DOCK3: variants seen among roughly 807,000 people sequenced by gnomAD.
DOCK3 encodes the protein dedicator of cytokinesis 3.
Under a neutral mutation model 265.6 loss-of-function variants are expected in DOCK3, and 60 were observed. The observed-to-expected ratio is 0.23, with a 90% CI of 0.18 to 0.28. The LOEUF is 0.28. Ranked by LOEUF, DOCK3 falls within the 10% of genes least tolerant of loss-of-function variation. The pLI, the probability that DOCK3 is intolerant of heterozygous loss-of-function variation, is 1.00. For missense variants in DOCK3, 1,981 were observed against 2,594.3 expected, an observed-to-expected ratio of 0.76 and a Z score of 5.14; for synonymous variants, 881 against 938.0, an observed-to-expected ratio of 0.94 and a Z score of 1.11.
At chr3:51,330,287 T>C in intron 33 of DOCK3, 64 bp downstream of exon 33, 6 of 1,500,470 alleles carry the variant, frequency 4.0e-6, no homozygotes, top group Non-Finnish European at 5.4e-6. Flanking sequence ...CAATGAAAAG[T>C]AGAGGTTGCA....
At chr3:50,835,760 C>T (rs1284409958) in intron 2 of DOCK3, among the ~76,000 whole-genome samples, 1 of 152,186 alleles carries the variant, frequency 6.6e-6, no homozygotes, top group Non-Finnish European at 1.5e-5. Context: ...TCTGGATCTT[C>T]AAAAGGGAAA....
intron 14 of DOCK3, among the ~76,000 whole-genome samples, chr3:51,218,691 TTACA>T (rs2089928281): frequency 6.6e-6 from 1 of 152,234 alleles, no homozygotes; most frequent in Admixed American, 6.5e-5. Context: ...ATGAGCCAAA[TTACA>T]TATTAAATGG....
At chr3:50,689,702 G>T (rs1576103824) in intron 1 of DOCK3, among the ~76,000 whole-genome samples, 1 of 152,240 alleles carries the variant, frequency 6.6e-6, no homozygotes, top group Non-Finnish European at 1.5e-5. Context: ...TCACAACAGG[G>T]TTCGTCTAAT....
At chr3:50,905,771 T>C (rs2049458119) in intron 4 of DOCK3, among the ~76,000 whole-genome samples, 1 of 152,108 alleles carries the variant, frequency 6.6e-6, no homozygotes, top group African/African-American at 2.4e-5. Context: ...TCCTGCCTGA[T>C]TGCCCTGGCC....
intron 13 of DOCK3, among the ~76,000 whole-genome samples, chr3:51,210,975 C>T (rs563422309): frequency 6.6e-6 from 1 of 152,176 alleles, no homozygotes; most frequent in African/African-American, 2.4e-5. Context: ...TATGTAGCTA[C>T]AAACTGAACT....
At chr3:51,295,839 A>G (rs1387014889) in intron 27 of DOCK3, among the ~76,000 whole-genome samples, 1 of 152,148 alleles carries the variant, frequency 6.6e-6, no homozygotes, top group Non-Finnish European at 1.5e-5. Flanking sequence ...CTCTATTCAC[A>G]GATGACCTGA....
intron 3 of DOCK3, 51 bp from the exon 4 acceptor site, chr3:50,889,975 T>C: frequency 7.5e-7 from 1 of 1,325,272 alleles, no homozygotes; most frequent in Non-Finnish European, 9.8e-7. Context: ...ATATATGAAA[T>C]GTTAATCACA....
chr3:50,775,921 C>A (rs1038007606), intron 1 of DOCK3, among the ~76,000 whole-genome samples: 2 of 152,064 alleles, frequency 1.3e-5, no homozygotes, highest in Non-Finnish European at 2.9e-5. Flanking sequence ...TTATTTTGTT[C>A]CTTTTTATAG....
intron 12 of DOCK3, among the ~76,000 whole-genome samples, chr3:51,169,777 G>A (rs2086585395): frequency 6.6e-6 from 1 of 151,776 alleles, no homozygotes; most frequent in South Asian, 2.1e-4. Flanking sequence ...CATATTATTT[G>A]TATCCTTCAT....
At chr3:51,113,164 G>T (rs1185861192) in intron 9 of DOCK3, among the ~76,000 whole-genome samples, 1 of 151,996 alleles carries the variant, frequency 6.6e-6, no homozygotes, top group African/African-American at 2.4e-5. Context: ...TGTTCTAGAG[G>T]GGGAGATAGA....
chr3:50,938,887 T>TA (rs576019011), intron 5 of DOCK3, among the ~76,000 whole-genome samples: 147 of 143,160 alleles, frequency 1.0e-3, no homozygotes, highest in African/African-American at 2.8e-3. Context: ...TGAGACTCTG[T>TA]AAAAAAAAAA....
chr3:51,376,982 T>A (rs2088191779), intron 51 of DOCK3, among the ~76,000 whole-genome samples: 1 of 152,248 alleles, frequency 6.6e-6, no homozygotes, highest in Non-Finnish European at 1.5e-5. Flanking sequence ...AGTGCCCTTT[T>A]CGCCTGGAGG....
At chr3:50,940,066 T>TACACACACAAACACACACAC (rs1188486213) in intron 5 of DOCK3, among the ~76,000 whole-genome samples, 1 of 151,328 alleles carries the variant, frequency 6.6e-6, no homozygotes, top group Non-Finnish European at 1.5e-5. Context: ...GACACACACA[T>TACACACACAAACACACACAC]ACACACACAA....
chr3:50,737,796 A>G (rs113239058), intron 1 of DOCK3, among the ~76,000 whole-genome samples: 14 of 152,208 alleles, frequency 9.2e-5, no homozygotes, highest in Non-Finnish European at 2.1e-4. Flanking sequence ...TATTTAGTTC[A>G]TGTATTATTT....
At chr3:50,971,624 A>G (rs1397761782) in intron 5 of DOCK3, among the ~76,000 whole-genome samples, 1 of 152,194 alleles carries the variant, frequency 6.6e-6, no homozygotes, top group African/African-American at 2.4e-5. Context: ...TTCAACCTGT[A>G]GGCCAGTAGG....
At chr3:50,957,694 T>C (rs1349686673) in intron 5 of DOCK3, among the ~76,000 whole-genome samples, 1 of 152,210 alleles carries the variant, frequency 6.6e-6, no homozygotes, top group Non-Finnish European at 1.5e-5. Context: ...TTGTAAGGAA[T>C]GCTTACACTG....
chr3:51,015,808 C>CA lies in DOCK3; in HGVS notation c.316-48640_316-48639insA, dbSNP rs370781339. 6.4e-3 allele frequency among the ~76,000 whole-genome samples: 3 copies of CA among 466 alleles called. 1 individual carries two copies. The highest frequency in any genetic ancestry group is 0.052 in the African/African-American group (3 of 58). The allele number at this position is 466 out of a possible 152,430, so 0.3% of individuals were successfully genotyped here. A position where few individuals can be genotyped will look rare whatever the true frequency, so the allele number is the denominator to read the frequency against. Reference sequence around the variant, plus strand: ...TATATGATATATATATCATATATTTCTATATATGATATATATATCATATAT... The same window carrying CA: ...TATATGATATATATATCATATATTTCATATATATGATATATATATCATATAT... On this transcript the variant is annotated intron_variant, in intron 5 of 52. Transcript: ENST00000266037.
chr3:51,128,624 A>G (rs975652072), intron 9 of DOCK3, among the ~76,000 whole-genome samples: 1 of 152,240 alleles, frequency 6.6e-6, no homozygotes, highest in East Asian at 1.9e-4. Flanking sequence ...AGTAAGTTCT[A>G]TTCCAGTGAG....
At position 50,998,405 on chromosome 3, in the gene DOCK3, G is replaced by A. The variant is rs575250877; in HGVS notation, c.315+64328G>A. 2.1e-3 allele frequency among the ~76,000 whole-genome samples: 325 copies of A among 152,274 alleles called. 1 individual carries two copies. Among genetic ancestry groups the A allele is most frequent in the Middle Eastern group, 0.014 (4 of 294 alleles). On this transcript the variant is annotated intron_variant, in intron 5 of 52. Transcript: ENST00000266037. ...TAAGAAAAAACAACAAACTCTTCAG[G>A]TGATTCTGATGTAGTGAGGGTTATT...
Sources: gnomAD v4.1 joint callset for allele counts (sites outside exome capture counted in the v4.1 genomes callset) on GRCh38, gnomAD v4.1.1 for gene constraint, MANE v1.5 for transcripts, NCBI Gene and HGNC (gene_info 2026-07-23, HGNC 2026-07-21) for gene names.